The following SMAD2 variants were observed in gnomAD, a reference collection of about 807,000 sequenced individuals.
SMAD2 encodes MAD homolog 2.
A neutral mutation model predicts 64.4 loss-of-function variants in SMAD2; 8 were observed. The observed-to-expected ratio is 0.12, with a 90% CI of 0.07 to 0.22. The LOEUF (loss-of-function observed/expected upper bound fraction) is 0.22, where lower values mean the gene tolerates loss of function less well. Ranked by LOEUF, SMAD2 falls within the 10% of genes least tolerant of loss-of-function variation. The pLI, the probability that SMAD2 is intolerant of heterozygous loss-of-function variation, is 1.00. For synonymous variants in SMAD2, 203 were observed against 195.8 expected (o/e 1.04, Z -0.31); for missense variants, 289 against 561.2 (o/e 0.51, Z 4.90).
intron 6 of SMAD2, among the ~76,000 whole-genome samples, chr18:47,860,595 TAAGA>T (rs1290770719): frequency 6.6e-6 from 1 of 152,026 alleles, no homozygotes; most frequent in Admixed American, 6.6e-5. Context: ...ATCAAAAATT[TAAGA>T]AAGAAATAAT....
At chr18:47,868,565 C>T (rs2031733402) in intron 4 of SMAD2, 108 bp from the exon 5 acceptor site, 1 of 844,712 alleles carries the variant, frequency 1.2e-6, no homozygotes, top group African/African-American at 1.7e-5. Flanking sequence ...ATTTTTAAAG[C>T]TAGGGTCCAC....
rs1482228843 is a variant in SMAD2 at position 47,814,516 on chromosome 18, G to A, written c.*27311C>T. The A allele has an allele frequency of 6.6e-6, 1 of 152,228 alleles. No individual in the cohort carries two copies. The highest frequency in any genetic ancestry group is 6.5e-5 in the Admixed American group (1 of 15,288). The allele number at this position is 152,228 out of a possible 1,614,324, so 9.4% of individuals were successfully genotyped here. ...AGAAGAGTCTCTTCATTAGGCAGGA[G>A]TGGAATGACTCCCAGGGCAGGGAGA... On this transcript the variant is annotated 3_prime_UTR_variant, in exon 11 of 11. Transcript: ENST00000262160.
chr18:47,851,469 C>T (rs2030067334), intron 6 of SMAD2, 142 bp from the exon 7 acceptor site: 40 of 391,830 alleles, frequency 1.0e-4, no homozygotes, highest in South Asian at 1.8e-4. Context: ...TATGTAAGTG[C>T]TTAAATTTAG....
chr18:47,923,295 T>A (rs978703224), intron 1 of SMAD2, among the ~76,000 whole-genome samples: 2 of 152,056 alleles, frequency 1.3e-5, no homozygotes, highest in African/African-American at 4.8e-5. Context: ...ATCCTGACCC[T>A]CTTCTGAAGC....
rs965554465 is a variant in SMAD2 at position 47,815,080 on chromosome 18, C to G, written c.*26747G>C. 1.3e-5 allele frequency: 2 copies of G among 152,226 alleles called. No homozygotes were observed. The highest frequency in any genetic ancestry group is 1.9e-4 in the East Asian group (1 of 5,196). The allele number at this position is 152,226 out of a possible 1,614,324, so 9.4% of individuals were successfully genotyped here. A position where few individuals can be genotyped will look rare whatever the true frequency, so the allele number is the denominator to read the frequency against. Reference sequence around the variant, plus strand: ...AGCACATACATTAGAGAAACTCTTTCCTGTGTCACCTGGAGATGACTGTTC... The same window carrying G: ...AGCACATACATTAGAGAAACTCTTTGCTGTGTCACCTGGAGATGACTGTTC... On this transcript the variant is annotated 3_prime_UTR_variant, in exon 11 of 11. Transcript: ENST00000262160.
rs2034974594 is a variant in SMAD2, at chr18:47,930,602, G to C, written c.-295C>G. ...GGGGAGGGGAGGGGAGGAGAGGGAA[G>C]GGGAGGGGAGGGAGCCTGGCCGCCG... On this transcript the variant is annotated 5_prime_UTR_variant, in exon 1 of 11. Coordinates refer to ENST00000262160, the MANE Select transcript of SMAD2 (RefSeq NM_005901.6). 1 of 149,970 alleles carries C rather than the reference G, an allele frequency of 6.7e-6. No individual in the cohort carries two copies. Among genetic ancestry groups the C allele is most frequent in the Non-Finnish European group, 1.5e-5 (1 of 67,304 alleles). The allele number at this position is 149,970 out of a possible 1,614,324, so 9.3% of individuals were successfully genotyped here. A position where few individuals can be genotyped will look rare whatever the true frequency, so the allele number is the denominator to read the frequency against.
intron 6 of SMAD2, among the ~76,000 whole-genome samples, chr18:47,856,346 T>C (rs148032161): frequency 1.3e-5 from 2 of 152,208 alleles, no homozygotes; most frequent in Non-Finnish European, 2.9e-5. Context: ...GGTGCTCTTA[T>C]CACACACATA....
chr18:47,810,165 T>C lies in SMAD2; in HGVS notation c.*31662A>G, dbSNP rs138742381. 6.6e-6 allele frequency: 1 copy of C among 152,306 alleles called. No individual in the cohort carries two copies. Among genetic ancestry groups the C allele is most frequent in the Non-Finnish European group, 1.5e-5 (1 of 68,042 alleles). 9.4% of individuals were successfully genotyped at this position (152,306 alleles called of 1,614,324 possible). On this transcript the variant is annotated 3_prime_UTR_variant, in exon 11 of 11. Transcript: ENST00000262160. ...AGCCAGCCTGGGAAATGGTTTCTCA[T>C]ACTGCAAAGAAGTCATCTGACCCAG...
At position 47,835,994 on chromosome 18, in the gene SMAD2, G is replaced by A; in HGVS notation, c.*5833C>T. On this transcript the variant is annotated 3_prime_UTR_variant, in exon 11 of 11. Transcript: ENST00000262160. Reference sequence around the variant, plus strand: ...CATCAGTGGCATTATTCTTCCAAGGGACTCTTATATCTAAGCAATGGTGAA... The same window carrying A: ...CATCAGTGGCATTATTCTTCCAAGGAACTCTTATATCTAAGCAATGGTGAA... The A allele has an allele frequency of 4.7e-6, 1 of 211,572 alleles. No individual in the cohort carries two copies. Among genetic ancestry groups the A allele is most frequent in the Non-Finnish European group, 9.6e-6 (1 of 104,462 alleles). 13.1% of individuals were successfully genotyped at this position (211,572 alleles called of 1,614,324 possible).
At chr18:47,851,456 G>A in intron 6 of SMAD2, 129 bp from the exon 7 acceptor site, 1 of 438,950 alleles carries the variant, frequency 2.3e-6, no homozygotes, top group Non-Finnish European at 4.3e-6. Flanking sequence ...CAAGAATTCA[G>A]AATATGTAAG....
chr18:47,907,287 A>C (rs2033943244), intron 1 of SMAD2, among the ~76,000 whole-genome samples: 1 of 152,218 alleles, frequency 6.6e-6, no homozygotes, highest in African/African-American at 2.4e-5. Flanking sequence ...AAATATCAAA[A>C]GAAAACAAAT....
At chr18:47,904,252 A>C (rs547626786) in intron 1 of SMAD2, among the ~76,000 whole-genome samples, 7 of 149,072 alleles carry the variant, frequency 4.7e-5, no homozygotes, top group African/African-American at 1.7e-4. Context: ...ATCTCGTATG[A>C]AGCAAATGCC....
chr18:47,865,572 A>T (rs1346629926), intron 5 of SMAD2, among the ~76,000 whole-genome samples: 1 of 152,218 alleles, frequency 6.6e-6, no homozygotes, highest in African/African-American at 2.4e-5. Flanking sequence ...GGATTATAAA[A>T]GTATTAAATA....
At chr18:47,913,964 T>A (rs2034239817) in intron 1 of SMAD2, among the ~76,000 whole-genome samples, 1 of 152,180 alleles carries the variant, frequency 6.6e-6, no homozygotes, top group African/African-American at 2.4e-5. Flanking sequence ...TACCAAATGA[T>A]ACCTTAGTAA....
rs2144475606 is a variant in SMAD2 at position 47,896,778 on chromosome 18, C to T, written c.-22G>A. The T allele has an allele frequency of 6.2e-7, 1 of 1,610,460 alleles. No individual in the cohort carries two copies. Among genetic ancestry groups the T allele is most frequent in the Non-Finnish European group, 8.5e-7 (1 of 1,178,322 alleles). Reference sequence around the variant, plus strand: ...ACATGTTCTTACCAAAGGCAGCAAGCCACGCTAGGAAAACAGCCTCTTGTA... The same window carrying T: ...ACATGTTCTTACCAAAGGCAGCAAGTCACGCTAGGAAAACAGCCTCTTGTA... On this transcript the variant is annotated 5_prime_UTR_variant, in exon 2 of 11. Transcript: ENST00000262160.
chr18:47,865,379 T>G (rs2031481889), intron 5 of SMAD2, among the ~76,000 whole-genome samples: 1 of 152,228 alleles, frequency 6.6e-6, no homozygotes, highest in African/African-American at 2.4e-5. Context: ...GTACGTATCT[T>G]GCTCATTCCT....
intron 1 of SMAD2, among the ~76,000 whole-genome samples, chr18:47,926,459 T>C (rs575987397): frequency 6.6e-6 from 1 of 152,322 alleles, no homozygotes; most frequent in Admixed American, 6.5e-5. Flanking sequence ...CTCACCGAGC[T>C]GTTATCTGTT....
In SMAD2 at chr18:47,822,732, T is replaced by A. The variant is rs2144238454; in HGVS notation, c.*19095A>T. On this transcript the variant is annotated 3_prime_UTR_variant, in exon 11 of 11. Coordinates refer to ENST00000262160, the MANE Select transcript of SMAD2 (RefSeq NM_005901.6). ...TCTCGCTCTGTTGCCCCAGCTGGAA[T>A]GCAGTGGCACGATCTTGTTTCAGTG... The A allele has an allele frequency of 6.6e-6, 1 of 152,406 alleles. No individual in the cohort carries two copies. Among genetic ancestry groups the A allele is most frequent in the South Asian group, 2.1e-4 (1 of 4,830 alleles). 9.4% of individuals were successfully genotyped at this position (152,406 alleles called of 1,614,324 possible). A position where few individuals can be genotyped will look rare whatever the true frequency, so the allele number is the denominator to read the frequency against.
At chr18:47,911,380 A>G in intron 1 of SMAD2, among the ~76,000 whole-genome samples, 1 of 151,332 alleles carries the variant, frequency 6.6e-6, no homozygotes, top group East Asian at 1.9e-4. Flanking sequence ...AATAATGGCC[A>G]TAACCTAATA....
Sources: allele counts gnomAD v4.1 joint callset (sites outside exome capture counted in the v4.1 genomes callset), GRCh38; gene constraint gnomAD v4.1.1; transcripts MANE v1.5; gene names NCBI Gene and HGNC (gene_info 2026-07-23, HGNC 2026-07-21).